The following NEK11 variants were observed in gnomAD, a reference collection of about 807,000 sequenced individuals.
NEK11 encodes the protein NIMA related kinase 11.
A neutral mutation model predicts 80.7 loss-of-function variants in NEK11; 72 were observed. That is an observed-to-expected ratio of 0.89 (90% CI 0.74 to 1.08). The LOEUF is 1.08. Among genes scored for constraint, NEK11 ranks in the 50% least tolerant of loss-of-function variants. NEK11 has a pLI of 0.00. For synonymous variants in NEK11, 251 were observed against 260.7 expected, an observed-to-expected ratio of 0.96 and a Z score of 0.36; for missense variants, 764 against 763.6, an observed-to-expected ratio of 1.00 and a Z score of -0.01.
intron 14 of NEK11, among the ~76,000 whole-genome samples, chr3:131,193,578 A>G (rs2093885398): frequency 6.6e-6 from 1 of 152,178 alleles, no homozygotes; most frequent in South Asian, 2.1e-4. Context: ...TATGTAAGGT[A>G]AAAGCCCTAC....
intron 15 of NEK11, 28 bp downstream of exon 15, chr3:131,228,716 T>C: frequency 6.2e-7 from 1 of 1,602,538 alleles, no homozygotes; most frequent in Non-Finnish European, 8.5e-7. Context: ...TCGGAAGCCA[T>C]GGAACTGTTC....
At chr3:131,202,399 G>C (rs2094272367) in intron 14 of NEK11, among the ~76,000 whole-genome samples, 1 of 152,080 alleles carries the variant, frequency 6.6e-6, no homozygotes, top group Non-Finnish European at 1.5e-5. Flanking sequence ...CCTAAACACT[G>C]CACTTTTACA....
chr3:131,278,078 G>A (rs2096329425), intron 17 of NEK11, among the ~76,000 whole-genome samples: 1 of 152,196 alleles, frequency 6.6e-6, no homozygotes, highest in Non-Finnish European at 1.5e-5. Flanking sequence ...GTTAAGACAT[G>A]CATGTAGTAT....
chr3:131,267,344 G>GC (rs1329407994), intron 16 of NEK11, among the ~76,000 whole-genome samples: 1 of 152,186 alleles, frequency 6.6e-6, no homozygotes, highest in Admixed American at 6.5e-5. Context: ...TCCTTTCCAT[G>GC]TTTAGTGCTT....
chr3:131,125,896 G>C (rs921152042), intron 5 of NEK11, among the ~76,000 whole-genome samples: 1 of 152,204 alleles, frequency 6.6e-6, no homozygotes, highest in African/African-American at 2.4e-5. Flanking sequence ...GGTAGGGCCA[G>C]ATCTTGAAAT....
intron 16 of NEK11, among the ~76,000 whole-genome samples, chr3:131,260,813 C>T (rs981786289): frequency 1.6e-4 from 24 of 152,028 alleles, no homozygotes; most frequent in South Asian, 2.1e-4. Context: ...CAGAGCAAGA[C>T]GAGGGTTAAA....
intron 17 of NEK11, among the ~76,000 whole-genome samples, chr3:131,324,667 T>C (rs1202165543): frequency 5.9e-5 from 9 of 152,192 alleles, no homozygotes; most frequent in African/African-American, 1.9e-4. Flanking sequence ...CATGGCACAT[T>C]GTTTAGTGAG....
chr3:131,346,091 T>C (rs1230757211), intron 17 of NEK11, among the ~76,000 whole-genome samples: 1 of 152,028 alleles, frequency 6.6e-6, no homozygotes, highest in East Asian at 1.9e-4. Context: ...AGTAGATACG[T>C]AGGATGGACA....
chr3:131,266,604 A>G (rs2096064028), intron 16 of NEK11, among the ~76,000 whole-genome samples: 1 of 152,068 alleles, frequency 6.6e-6, no homozygotes, highest in Non-Finnish European at 1.5e-5. Flanking sequence ...TGCATTTGCT[A>G]AAGGAGTGTT....
chr3:131,075,497 A>C (rs1158610653), intron 3 of NEK11, among the ~76,000 whole-genome samples: 1 of 152,116 alleles, frequency 6.6e-6, no homozygotes, highest in Non-Finnish European at 1.5e-5. Context: ...TTTTTAAATA[A>C]ATATTACTCT....
intron 13 of NEK11, among the ~76,000 whole-genome samples, chr3:131,170,356 G>A (rs1203297558): frequency 2.0e-5 from 3 of 152,202 alleles, no homozygotes; most frequent in Non-Finnish European, 2.9e-5. Flanking sequence ...AGCTAGAGGG[G>A]AACTTGTAAG....
rs200124212 is a variant in NEK11 at position 131,109,833 on chromosome 3, T to C, written c.367T>C (p.Tyr123His). ...GRDLDDKIQE[Y>H]KQAGKIFPEN... The stretch of plus-strand genomic sequence containing the variant: ...AGATCTGGACGATAAAATTCAGGAA[T>C]ATAAACAAGCTGGAAAAATCTTTCC... The change falls in exon 5 of 18, where the codon TAT becomes CAT. Residue 123 changes from tyrosine to histidine, a missense_variant. Tyr to His is a moderately conservative substitution (Grantham distance 83, BLOSUM62 2). Transcript: ENST00000383366. 153 of 1,604,934 alleles carry C rather than the reference T, an allele frequency of 9.5e-5. No homozygotes were observed. The highest frequency in any genetic ancestry group is 1.2e-4 in the Non-Finnish European group (142 of 1,177,096).
At chr3:131,346,855 T>C (rs966963167) in intron 17 of NEK11, among the ~76,000 whole-genome samples, 1 of 152,114 alleles carries the variant, frequency 6.6e-6, no homozygotes, top group Non-Finnish European at 1.5e-5. Flanking sequence ...ATGAGGTCAA[T>C]TGATATGATC....
At position 131,104,348 on chromosome 3, in the gene NEK11, G is replaced by A. The variant is rs150631333; in HGVS notation, c.337-5455G>A. Reference sequence around the variant, plus strand: ...TAAGCTGGAAGGCCGTGCCCAATCAGGAGCAGCAAGTTCAGAGAGCTGCAT... The same window carrying A: ...TAAGCTGGAAGGCCGTGCCCAATCAAGAGCAGCAAGTTCAGAGAGCTGCAT... On this transcript the variant is annotated intron_variant, in intron 4 of 17. Transcript: ENST00000383366. 2.0e-3 allele frequency among the ~76,000 whole-genome samples: 303 copies of A among 152,236 alleles called. 1 individual carries two copies. The highest frequency in any genetic ancestry group is 6.9e-3 in the African/African-American group (285 of 41,552).
At chr3:131,065,150 G>T (rs368241196) in intron 3 of NEK11, among the ~76,000 whole-genome samples, 3 of 152,108 alleles carry the variant, frequency 2.0e-5, no homozygotes, top group African/African-American at 7.2e-5. Context: ...AAAGAGCTTT[G>T]GTCTTAAAGT....
chr3:131,209,134 G>A (rs552070731), intron 14 of NEK11, among the ~76,000 whole-genome samples: 17 of 152,194 alleles, frequency 1.1e-4, no homozygotes, highest in South Asian at 6.2e-4. Context: ...TTTGAGCTAC[G>A]TCCCATCAAT....
chr3:131,261,942 A>T (rs2108486890), intron 16 of NEK11, among the ~76,000 whole-genome samples: 1 of 152,300 alleles, frequency 6.6e-6, no homozygotes, highest in Non-Finnish European at 1.5e-5. Flanking sequence ...AAATTACAAA[A>T]ATCAGAGTGG....
chr3:131,039,518 T>G (rs2066139435), intron 3 of NEK11, among the ~76,000 whole-genome samples: 2 of 152,210 alleles, frequency 1.3e-5, no homozygotes, highest in African/African-American at 4.8e-5. Flanking sequence ...TTACTTTAAC[T>G]GGATCAGTTG....
intron 16 of NEK11, among the ~76,000 whole-genome samples, chr3:131,266,691 G>A (rs911818307): frequency 6.6e-6 from 1 of 152,156 alleles, no homozygotes; most frequent in African/African-American, 2.4e-5. Flanking sequence ...TGTTGATTTC[G>A]GGTGGAGAGT....
Sources: allele counts gnomAD v4.1 joint callset (sites outside exome capture counted in the v4.1 genomes callset), GRCh38; gene constraint gnomAD v4.1.1; transcripts MANE v1.5; gene names NCBI Gene and HGNC (gene_info 2026-07-23, HGNC 2026-07-21).